Variants in GNG7 observed in about 807,000 individuals in gnomAD.
GNG7 encodes the protein G protein subunit gamma 7, also known as guanine nucleotide-binding protein G(I)/G(S)/G(O) subunit gamma-7.
Under a neutral mutation model 4.0 loss-of-function variants are expected in GNG7, and 1 was observed. The ratio of observed to expected loss-of-function variants is 0.25; its 90% CI spans 0.09 to 1.18. GNG7 has a LOEUF of 1.18. Ranked by LOEUF, GNG7 falls within the 50% of genes most tolerant of loss-of-function variation. The probability of loss-of-function intolerance (pLI) is 0.50; values close to 1 mark genes in which losing one functional copy is unlikely to be tolerated. For missense variants in GNG7, 86 were observed against 91.9 expected (o/e 0.94, Z 0.26); for synonymous variants, 34 against 36.9 (o/e 0.92, Z 0.29).
chr19:2,520,612 A>G lies in GNG7; in HGVS notation c.77T>C (p.Ile26Thr). 1 of 1,539,066 alleles carries G rather than the reference A, an allele frequency of 6.5e-7. No homozygotes were observed. The highest frequency in any genetic ancestry group is 1.2e-5 in the South Asian group (1 of 83,948). Residue 26 changes from isoleucine (I) to threonine (T), a missense_variant, in exon 4 of 5, where the codon ATC becomes ACC. By Grantham distance (89) the Ile-to-Thr change is moderately conservative. Coordinates refer to ENST00000382159, the MANE Select transcript of GNG7 (RefSeq NM_052847.3). ...QLRIEAGIER[I>T]KVSKAASDLM... The stretch of plus-strand genomic sequence containing the variant: ...CCTGATGCCCGCTGGGCTCACCTTG[A>G]TGCGCTCAATCCCGGCTTCTATGCG...
At chr19:2,657,087 C>A (rs1204285549) in intron 1 of GNG7, among the ~76,000 whole-genome samples, 1 of 150,788 alleles carries the variant, frequency 6.6e-6, no homozygotes, top group Non-Finnish European at 1.5e-5. Context: ...TAATCCCAGC[C>A]CTTTGGGAGG....
chr19:2,647,564 A>T (rs1236123360), intron 1 of GNG7, among the ~76,000 whole-genome samples: 3 of 152,048 alleles, frequency 2.0e-5, no homozygotes, highest in Non-Finnish European at 4.4e-5. Flanking sequence ...AAAAAAATTT[A>T]AAAATTAGGA....
In GNG7 at chr19:2,557,911, G is replaced by A. The variant is rs777718162; in HGVS notation, c.-77-2723C>T. Reference sequence around the variant, plus strand: ...GGCTGGACTGCAGTAGTGCGATCTCGGCTCACTGCAACCTCTGCCTCCTGG... The same window carrying A: ...GGCTGGACTGCAGTAGTGCGATCTCAGCTCACTGCAACCTCTGCCTCCTGG... On this transcript the variant is annotated intron_variant, in intron 2 of 4. Transcript: ENST00000382159. The surrounding 1 kb of genome is among the most constrained non-coding windows in gnomAD (Gnocchi z 5.1). Among the ~76,000 whole-genome samples the A allele has an allele frequency of 2.0e-5, 3 of 151,720 alleles. No individual in the cohort carries two copies. The highest frequency in any genetic ancestry group is 6.6e-5 in the Admixed American group (1 of 15,220).
chr19:2,602,885 T>TTTTC (rs1555697031), intron 2 of GNG7, among the ~76,000 whole-genome samples: 25 of 148,432 alleles, frequency 1.7e-4, no homozygotes, highest in African/African-American at 2.3e-4. Context: ...CTCTTTCTCT[T>TTTTC]TCTTTTTCTC....
At chr19:2,536,146 G>A (rs918667833) in intron 3 of GNG7, among the ~76,000 whole-genome samples, 4 of 151,972 alleles carry the variant, frequency 2.6e-5, no homozygotes, top group African/African-American at 7.3e-5. Context: ...GGCCGGGCGC[G>A]GTGGCTCCCA....
chr19:2,698,570 GA>G (rs372892725), intron 1 of GNG7, among the ~76,000 whole-genome samples: 5 of 139,092 alleles, frequency 3.6e-5, no homozygotes, highest in East Asian at 2.1e-4. Context: ...TTTCAAAAAA[GA>G]AAAAAAAAAG....
chr19:2,576,917 C>A (rs2144787151), intron 2 of GNG7, among the ~76,000 whole-genome samples: 1 of 152,360 alleles, frequency 6.6e-6, no homozygotes, highest in Non-Finnish European at 1.5e-5. Context: ...CTCCTGGGCT[C>A]AAGTGATCCT....
chr19:2,533,333 T>A (rs1203729295), intron 3 of GNG7, among the ~76,000 whole-genome samples: 1 of 151,870 alleles, frequency 6.6e-6, no homozygotes, highest in East Asian at 1.9e-4. Context: ...TATTATATAA[T>A]TCCATTTATA....
intron 2 of GNG7, among the ~76,000 whole-genome samples, chr19:2,623,561 A>T (rs1243318779): frequency 6.6e-6 from 1 of 152,218 alleles, no homozygotes; most frequent in African/African-American, 2.4e-5. Context: ...TGAGGACGTC[A>T]CGCTCAGTGA....
chr19:2,649,114 A>G (rs62119811), intron 1 of GNG7, among the ~76,000 whole-genome samples: 1 of 151,354 alleles, frequency 6.6e-6, no homozygotes, highest in Non-Finnish European at 1.5e-5. Context: ...TAATTTTTTA[A>G]AAATAGAGAC....
chr19:2,657,357 AAAAAATATATATATATATAT>A (rs1983014594), intron 1 of GNG7, among the ~76,000 whole-genome samples: 1 of 16,166 alleles, frequency 6.2e-5, no homozygotes, highest in Non-Finnish European at 1.3e-4. Flanking sequence ...AAAAAAAAAA[AAAAAATATATATATATATAT>A]ATATATATAT....
chr19:2,538,075 T>A (rs781051267), intron 3 of GNG7: 22 of 286,524 alleles, frequency 7.7e-5, no homozygotes, highest in Non-Finnish European at 1.3e-4. Flanking sequence ...AGACTCTCTC[T>A]CAAACAAAAC....
intron 2 of GNG7, among the ~76,000 whole-genome samples, chr19:2,559,092 G>A (rs902840520): frequency 1.3e-5 from 2 of 151,772 alleles, no homozygotes; most frequent in East Asian, 1.9e-4. Flanking sequence ...GAGCCATCGC[G>A]CCCAGCCAGT....
intron 1 of GNG7, among the ~76,000 whole-genome samples, chr19:2,659,222 G>A (rs1035686008): frequency 3.2e-4 from 49 of 151,028 alleles, no homozygotes; most frequent in Non-Finnish European, 6.0e-4. Context: ...GCCCACCTTG[G>A]CCTCCCAAAG....
At chr19:2,532,023 C>T (rs910441030) in intron 3 of GNG7, among the ~76,000 whole-genome samples, 16 of 151,662 alleles carry the variant, frequency 1.1e-4, no homozygotes, top group African/African-American at 2.2e-4. Context: ...CCATGGCAGG[C>T]GCCTCTAGTC....
chr19:2,553,665 G>A (rs11879694), intron 3 of GNG7, among the ~76,000 whole-genome samples: 27,316 of 129,120 alleles, frequency 0.21, 2,842 homozygotes, highest in Non-Finnish European at 0.25. Context: ...ACATGCACAC[G>A]TTACATGTAA....
At chr19:2,517,103 C>T (rs1288375814) in intron 4 of GNG7, 1 of 152,258 alleles carries the variant, frequency 6.6e-6, no homozygotes, top group African/African-American at 2.4e-5. Context: ...AGAGGGCGAT[C>T]ACAGGGGGAG....
chr19:2,607,903 G>T (rs113985283), intron 2 of GNG7, among the ~76,000 whole-genome samples: 2 of 151,682 alleles, frequency 1.3e-5, no homozygotes, highest in African/African-American at 4.9e-5. Context: ...AATACGTTCA[G>T]GCGACAGCGA....
rs80297209 is a variant in GNG7, at chr19:2,535,582, C to T, written c.-37-14857G>A. Among the ~76,000 whole-genome samples, 88 of 152,082 alleles carry T rather than the reference C, an allele frequency of 5.8e-4. No homozygotes were observed. The East Asian group carries it at 8.9e-3, about 15-fold the overall frequency. On this transcript the variant is annotated intron_variant, in intron 3 of 4. Transcript: ENST00000382159. Reference sequence around the variant, plus strand: ...AGAGACATTTGCTTGGGGCCTGAAGCGGGGGCTATGCCTGTCTTTGCAGAT... The same window carrying T: ...AGAGACATTTGCTTGGGGCCTGAAGTGGGGGCTATGCCTGTCTTTGCAGAT...
Sources: gnomAD v4.1 joint callset for allele counts (sites outside exome capture counted in the v4.1 genomes callset) on GRCh38, gnomAD v4.1.1 for gene constraint, Gnocchi (gnomAD v3.1) non-coding constraint, MANE v1.5 for transcripts, NCBI Gene and HGNC (gene_info 2026-07-23, HGNC 2026-07-21) for gene names.